The following CACNA1B variants were observed in gnomAD, a reference collection of about 807,000 sequenced individuals.
The protein encoded by CACNA1B is calcium voltage-gated channel subunit alpha1 B.
A neutral mutation model predicts 247.2 loss-of-function variants in CACNA1B; 70 were observed. The ratio of observed to expected loss-of-function variants is 0.28; its 90% confidence interval spans 0.23 to 0.35. The LOEUF is 0.35. CACNA1B is among the 10% of genes least tolerant of loss of function. CACNA1B has a pLI of 1.00. For synonymous variants in CACNA1B, 1,231 were observed against 1,294.4 expected, an observed-to-expected ratio of 0.95 and a Z score of 1.05; for missense variants, 2,367 against 3,197.4, an observed-to-expected ratio of 0.74 and a Z score of 6.26.
chr9:138,056,346 T>C (rs938040108), intron 26 of CACNA1B, among the ~76,000 whole-genome samples: 6 of 152,250 alleles, frequency 3.9e-5, no homozygotes, highest in African/African-American at 1.4e-4. Flanking sequence ...ATGTGGTCTT[T>C]TGTGAGTAGC....
chr9:137,932,424 C>T (rs761592706), intron 6 of CACNA1B, among the ~76,000 whole-genome samples: 2 of 152,158 alleles, frequency 1.3e-5, no homozygotes, highest in South Asian at 2.1e-4. Flanking sequence ...GAACTGGTCC[C>T]GCACGGGAAA....
chr9:137,976,424 G>A (rs541421800), intron 12 of CACNA1B, among the ~76,000 whole-genome samples: 75 of 152,362 alleles, frequency 4.9e-4, no homozygotes, highest in African/African-American at 1.7e-3. Flanking sequence ...TCTGGGGTTG[G>A]GGCACGATAG....
rs1166100149 is a variant in CACNA1B at position 137,955,363 on chromosome 9, G to A, written c.1071-335G>A. On this transcript the variant is annotated intron_variant, in intron 7 of 46. Transcript: ENST00000371372. This position sits in a 1 kb window ranked among gnomAD's most constrained non-coding sequence, Gnocchi z 6.9. ...GGAGGAGGCGCATGCCTAGGTTGCT[G>A]TAGGCAGGGGCTGTGAAATTGTCCC... is the stretch of plus-strand genomic sequence containing the variant. Among the ~76,000 whole-genome samples the A allele has an allele frequency of 6.6e-6, 1 of 152,228 alleles. No individual in the cohort carries two copies. Among genetic ancestry groups the A allele is most frequent in the Admixed American group, 6.5e-5 (1 of 15,288 alleles).
rs1959554877 is a variant in CACNA1B, at chr9:138,057,492, CTAAG to C, written c.3969-238_3969-235del. Among the ~76,000 whole-genome samples, 1 of 152,178 alleles carries C rather than the reference CTAAG, an allele frequency of 6.6e-6. No homozygotes were observed. Among genetic ancestry groups the C allele is most frequent in the South Asian group, 2.1e-4 (1 of 4,834 alleles). Reference sequence around the variant, plus strand: ...CACGAAGTTTTGCCCCCGTTTTCCTCTAAGTGTTTTATAGTTTTAGCTCCTTACA... The same window carrying C: ...CACGAAGTTTTGCCCCCGTTTTCCTCTGTTTTATAGTTTTAGCTCCTTACA... On this transcript the variant is annotated intron_variant, in intron 26 of 46. Transcript: ENST00000371372. The surrounding 1 kb of genome is among the most constrained non-coding windows in gnomAD (Gnocchi z 4.0).
At position 137,917,798 on chromosome 9, in the gene CACNA1B, G is replaced by A. The variant is rs1386369173; in HGVS notation, c.966+367G>A. ...CTCTGGGTTAGGCCCTCTGGGAAGT[G>A]TTTTATTCCTGTTGACTCCTCTCAG... On this transcript the variant is annotated intron_variant, in intron 6 of 46. Coordinates refer to ENST00000371372, the MANE Select transcript of CACNA1B (RefSeq NM_000718.4). This position sits in a 1 kb window ranked among gnomAD's most constrained non-coding sequence, Gnocchi z 5.5. Among the ~76,000 whole-genome samples the A allele has an allele frequency of 6.6e-6, 1 of 152,248 alleles. No individual in the cohort carries two copies. Among genetic ancestry groups the A allele is most frequent in the East Asian group, 1.9e-4 (1 of 5,194 alleles).
intron 16 of CACNA1B, 51 bp from the exon 17 acceptor site, chr9:138,009,959 G>T: frequency 6.9e-7 from 1 of 1,444,274 alleles, no homozygotes; most frequent in South Asian, 1.1e-5. Context: ...GCTGCAGTGT[G>T]ACTGGGGCCA....
intron 16 of CACNA1B, among the ~76,000 whole-genome samples, chr9:138,009,399 T>C (rs1262742823): frequency 1.3e-5 from 2 of 152,110 alleles, no homozygotes; most frequent in Non-Finnish European, 2.9e-5. Flanking sequence ...CAGGACACCA[T>C]GCGGGAAAAG....
At chr9:137,912,610 G>A (rs1194040941) in intron 3 of CACNA1B, among the ~76,000 whole-genome samples, 1 of 152,164 alleles carries the variant, frequency 6.6e-6, no homozygotes, top group East Asian at 1.9e-4. Flanking sequence ...GGGAGATACT[G>A]GGATATGTTT....
chr9:138,067,972 A>G (rs992842690), intron 31 of CACNA1B, among the ~76,000 whole-genome samples: 3 of 152,238 alleles, frequency 2.0e-5, no homozygotes, highest in Non-Finnish European at 4.4e-5. Context: ...CTGCTAACGT[A>G]GTGAAAATAC....
At chr9:138,045,610 C>G (rs572832885) in intron 21 of CACNA1B, among the ~76,000 whole-genome samples, 36 of 152,198 alleles carry the variant, frequency 2.4e-4, no homozygotes, top group Non-Finnish European at 3.8e-4. Flanking sequence ...CGCCTGCAGA[C>G]CCTGCAAAGC....
intron 36 of CACNA1B, among the ~76,000 whole-genome samples, chr9:138,081,871 C>G (rs1037702416): frequency 6.6e-6 from 1 of 150,964 alleles, no homozygotes; most frequent in African/African-American, 2.5e-5. Flanking sequence ...AATCAGTAAT[C>G]GAAAACTTCC....
At chr9:138,096,350 C>T (rs770814161) in intron 36 of CACNA1B, 134 bp from the exon 37 acceptor site, 359 of 666,304 alleles carry the variant, frequency 5.4e-4, no homozygotes, top group Non-Finnish European at 7.1e-4. Context: ...GAGAGCAGAT[C>T]GGGCATGTGC....
At chr9:137,949,701 A>G (rs1957856924) in intron 6 of CACNA1B, among the ~76,000 whole-genome samples, 1 of 152,058 alleles carries the variant, frequency 6.6e-6, no homozygotes, top group Non-Finnish European at 1.5e-5. Context: ...GGTGAAATCC[A>G]GAGGCACCTG....
rs1961828642 is a variant in CACNA1B, at chr9:138,115,658, C to T, written c.5756C>T (p.Ser1919Phe). The change falls in exon 42 of 47, where the codon TCC (serine) becomes TTC (phenylalanine). Residue 1919 changes from serine (S) to phenylalanine (F), a missense_variant. Ser to Phe is a radical substitution (Grantham distance 155). This residue lies in a region of CACNA1B where 773 missense variants were observed against 779.4 expected (regional missense o/e 0.99). Coordinates refer to ENST00000371372, the MANE Select transcript of CACNA1B (RefSeq NM_000718.4). ...TTCCTTCGACAGAAGAGTTCCACCT[C>T]CCTCAGCAATGGCGGGGCCATGTGA... ...RVFLRQKSSTSLSNGGAIQNQ... is the reference protein window; with the variant it reads ...RVFLRQKSSTFLSNGGAIQNQ... 3.1e-6 allele frequency: 5 copies of T among 1,613,522 alleles called. No homozygotes were observed. Among genetic ancestry groups the T allele is most frequent in the South Asian group, 1.1e-5 (1 of 90,988 alleles).
rs553603310 is a variant in CACNA1B, at chr9:138,114,440, A to C, written c.5599A>C (p.Asn1867His). Residue 1867 changes from asparagine (N) to histidine (H), a missense_variant, in exon 41 of 47, where the codon AAC (asparagine) becomes CAC (histidine). Asn to His is a moderately conservative substitution (Grantham distance 68). Around this residue, in one of 12 missense-constraint regions of CACNA1B, gnomAD observed 773 missense variants for 779.4 expected, o/e 0.99. Transcript: ENST00000371372. Reference sequence around the variant, plus strand: ...GATGATATTCGACTTCTACAAGCAGAACAAAACCACCAGAGACCAGATGCA... The same window carrying C: ...GATGATATTCGACTTCTACAAGCAGCACAAAACCACCAGAGACCAGATGCA... ...ALMIFDFYKQ[N>H]KTTRDQMQQA... The C allele has an allele frequency of 1.3e-5, 21 of 1,594,658 alleles. No homozygotes were observed. The South Asian group carries it at 2.3e-4, about 17-fold the overall frequency.
intron 3 of CACNA1B, among the ~76,000 whole-genome samples, chr9:137,895,659 A>G (rs1404013610): frequency 1.3e-5 from 2 of 152,252 alleles, no homozygotes; most frequent in Non-Finnish European, 1.5e-5. Flanking sequence ...TTGCTAGTAT[A>G]TAGAAAAACC....
At position 137,899,083 on chromosome 9, in the gene CACNA1B, CTCTT is replaced by C. The variant is rs1468381602; in HGVS notation, c.531-14087_531-14084del. Among the ~76,000 whole-genome samples the C allele has an allele frequency of 1.3e-5, 2 of 151,442 alleles. No individual in the cohort carries two copies. Among genetic ancestry groups the C allele is most frequent in the African/African-American group, 2.4e-5 (1 of 41,260 alleles). ...CACCCTGCCTGGCCTTCTTTTTTCT[CTCTT>C]TCTTTCTTTTTTTTTTGTCAGTTGG... On this transcript the variant is annotated intron_variant, in intron 3 of 46. Transcript: ENST00000371372. This position sits in a 1 kb window ranked among gnomAD's most constrained non-coding sequence, Gnocchi z 5.0.
intron 5 of CACNA1B, among the ~76,000 whole-genome samples, chr9:137,915,579 C>G (rs1957400660): frequency 6.6e-6 from 1 of 151,632 alleles, no homozygotes; most frequent in African/African-American, 2.4e-5. Context: ...AGTCCCAGCA[C>G]TTTTAGAAAA....
rs1018041731 is a variant in CACNA1B, at chr9:137,974,317, G to A, written c.1544-1590G>A. 6.6e-6 allele frequency among the ~76,000 whole-genome samples: 1 copy of A among 152,172 alleles called. No individual in the cohort carries two copies. The highest frequency in any genetic ancestry group is 1.5e-5 in the Non-Finnish European group (1 of 68,040). On this transcript the variant is annotated intron_variant, in intron 11 of 46. Transcript: ENST00000371372. This position sits in a 1 kb window ranked among gnomAD's most constrained non-coding sequence, Gnocchi z 4.5. Reference sequence around the variant, plus strand: ...CTGGGCATCCATGCCTCTCACAGGGGGCTCTCGGCTTCTCCAGGGACACTG... The same window carrying A: ...CTGGGCATCCATGCCTCTCACAGGGAGCTCTCGGCTTCTCCAGGGACACTG...
Sources: allele counts gnomAD v4.1 joint callset (sites outside exome capture counted in the v4.1 genomes callset), GRCh38; gene constraint gnomAD v4.1.1; regional missense constraint gnomAD v4.1.1; non-coding constraint Gnocchi (gnomAD v3.1); transcripts MANE v1.5; gene names NCBI Gene and HGNC (gene_info 2026-07-23, HGNC 2026-07-21).